The following STK33 variants were observed in gnomAD, a reference collection of about 807,000 sequenced individuals.
STK33 encodes the protein serine/threonine-protein kinase 33.
A neutral mutation model predicts 58.0 loss-of-function variants in STK33; 52 were observed. The observed-to-expected ratio is 0.90, with a 90% CI of 0.72 to 1.13. The LOEUF (loss-of-function observed/expected upper bound fraction) is 1.13, where lower values mean the gene tolerates loss of function less well. Among genes scored for constraint, STK33 ranks in the 50% most tolerant of loss-of-function variants. The probability of loss-of-function intolerance (pLI) is 0.00; values close to 1 mark genes in which losing one functional copy is unlikely to be tolerated. For missense variants in STK33, 630 were observed against 604.2 expected, an observed-to-expected ratio of 1.04 and a Z score of -0.45; for synonymous variants, 215 against 200.1, an observed-to-expected ratio of 1.07 and a Z score of -0.63.
At chr11:8,404,737 A>T (rs61142266) in intron 15 of STK33, among the ~76,000 whole-genome samples, 29,591 of 152,138 alleles carry the variant, frequency 0.19, 3,262 homozygotes, top group African/African-American at 0.29. Context: ...AATATTTGGG[A>T]TGTTTCCAGT....
chr11:8,351,813 G>A, the STK33 span, among the ~76,000 whole-genome samples: 1 of 152,162 alleles, frequency 6.6e-6, no homozygotes, highest in Non-Finnish European at 1.5e-5. Context: ...CTGAGACCTG[G>A]ATACCACCAC....
rs955446131 is a variant in STK33, at chr11:8,518,323, C to A, written c.-465-37709G>T. Reference sequence around the variant, plus strand: ...TTTTGTCACCACCAGGCCTGCCTTACAAGAGCTCCCGAAGGAAGTACTAAA... The same window carrying A: ...TTTTGTCACCACCAGGCCTGCCTTAAAAGAGCTCCCGAAGGAAGTACTAAA... On this transcript the variant is annotated intron_variant, in intron 1 of 15. Transcript: ENST00000687296. Among the ~76,000 whole-genome samples the A allele has an allele frequency of 5.9e-5, 9 of 152,282 alleles. No homozygotes were observed. The South Asian group carries it at 6.2e-4, about 11-fold the overall frequency.
intron 15 of STK33, among the ~76,000 whole-genome samples, chr11:8,406,197 T>C (rs1339813345): frequency 6.6e-6 from 1 of 151,758 alleles, no homozygotes; most frequent in Non-Finnish European, 1.5e-5. Context: ...CATGGGTCTA[T>C]TTCTAGACTC....
intron 1 of STK33, among the ~76,000 whole-genome samples, chr11:8,513,835 T>C (rs1370341704): frequency 6.6e-6 from 1 of 152,190 alleles, no homozygotes; most frequent in Non-Finnish European, 1.5e-5. Context: ...TTATACTCTT[T>C]TAGTTATTTT....
chr11:8,427,317 C>T (rs368280144), intron 14 of STK33, among the ~76,000 whole-genome samples: 1 of 152,116 alleles, frequency 6.6e-6, no homozygotes, highest in South Asian at 2.1e-4. Context: ...TCCAATGTTG[C>T]TGCTGAAAAG....
chr11:8,488,300 A>G (rs1262376956), intron 1 of STK33, among the ~76,000 whole-genome samples: 1 of 152,216 alleles, frequency 6.6e-6, no homozygotes, highest in Non-Finnish European at 1.5e-5. Context: ...AAAAGTTTAA[A>G]AGAAAAAGCT....
chr11:8,583,524 A>G (rs2030832061), intron 1 of STK33, among the ~76,000 whole-genome samples: 2 of 152,210 alleles, frequency 1.3e-5, no homozygotes, highest in South Asian at 4.1e-4. Flanking sequence ...GCTATCAAAG[A>G]CAATGATAAG....
the STK33 span, among the ~76,000 whole-genome samples, chr11:8,341,453 G>A: frequency 6.6e-6 from 1 of 152,178 alleles, no homozygotes; most frequent in East Asian, 1.9e-4. Flanking sequence ...TCCCGCCCCT[G>A]GGCTTCCAGA....
At chr11:8,506,550 C>T (rs1239074327) in intron 1 of STK33, among the ~76,000 whole-genome samples, 2 of 152,114 alleles carry the variant, frequency 1.3e-5, no homozygotes, top group African/African-American at 4.8e-5. Flanking sequence ...TTCTCCACAG[C>T]TGGGAAAGGT....
chr11:8,565,662 T>G (rs894886958), intron 1 of STK33: 5 of 152,204 alleles, frequency 3.3e-5, no homozygotes, highest in African/African-American at 1.2e-4. Context: ...GGCACATAAA[T>G]AAGTACACAG....
At chr11:8,374,120 A>C in the STK33 span, among the ~76,000 whole-genome samples, 1 of 152,358 alleles carries the variant, frequency 6.6e-6, no homozygotes, top group African/African-American at 2.4e-5. Flanking sequence ...GTGGAAGTCT[A>C]GAGATCTGGC....
At chr11:8,338,299 G>A in the STK33 span, among the ~76,000 whole-genome samples, 1 of 152,330 alleles carries the variant, frequency 6.6e-6, no homozygotes, top group Admixed American at 6.5e-5. Context: ...CTCTGCTCCA[G>A]ATCACTGCAG....
At chr11:8,442,932 G>C (rs1385617597) in intron 11 of STK33, among the ~76,000 whole-genome samples, 41 of 152,152 alleles carry the variant, frequency 2.7e-4, no homozygotes. Context: ...TGTGGTGATA[G>C]AAATCATCAG....
chr11:8,487,992 C>T (rs1399173019), intron 1 of STK33, among the ~76,000 whole-genome samples: 13 of 152,134 alleles, frequency 8.5e-5, no homozygotes, highest in Non-Finnish European at 1.5e-5. Context: ...TAAAAATAAT[C>T]GTGAAAAGTA....
intron 8 of STK33, among the ~76,000 whole-genome samples, chr11:8,459,347 CAGAGGGT>C (rs1257452851): frequency 5.9e-5 from 9 of 152,008 alleles, no homozygotes; most frequent in Non-Finnish European, 1.2e-4. Context: ...ATTTATGAGG[CAGAGGGT>C]GTCAGACCTG....
intron 1 of STK33, among the ~76,000 whole-genome samples, chr11:8,524,280 C>T (rs532785887): frequency 6.6e-6 from 1 of 151,948 alleles, no homozygotes; most frequent in South Asian, 2.1e-4. Context: ...CTGCCAAATC[C>T]CCCTCTCCGA....
the STK33 span, among the ~76,000 whole-genome samples, chr11:8,345,595 C>T: frequency 6.6e-6 from 1 of 152,160 alleles, no homozygotes; most frequent in African/African-American, 2.4e-5. Context: ...GAACGTGGCT[C>T]CTCCCTGGGA....
intron 1 of STK33, among the ~76,000 whole-genome samples, chr11:8,559,716 G>A (rs1353282769): frequency 6.6e-6 from 1 of 152,078 alleles, no homozygotes; most frequent in East Asian, 1.9e-4. Flanking sequence ...AATAATTGCT[G>A]TAATAAAAAC....
chr11:8,584,845 T>C (rs1244048586), intron 1 of STK33, among the ~76,000 whole-genome samples: 3 of 151,992 alleles, frequency 2.0e-5, no homozygotes, highest in African/African-American at 4.8e-5. Flanking sequence ...CAGGATGCTA[T>C]ATGAAGACAA....
Sources: gnomAD v4.1 joint callset for allele counts (sites outside exome capture counted in the v4.1 genomes callset) on GRCh38, gnomAD v4.1.1 for gene constraint, MANE v1.5 for transcripts, NCBI Gene and HGNC (gene_info 2026-07-23, HGNC 2026-07-21) for gene names.